TAFA4: variants seen among roughly 807,000 people sequenced by gnomAD.
TAFA4 encodes TAFA chemokine like family member 4, also known as chemokine-like protein TAFA-4.
TAFA4 carries 20 observed loss-of-function variants against 21.1 expected under a neutral mutation model. The ratio of observed to expected loss-of-function variants is 0.95; its 90% CI spans 0.67 to 1.38. TAFA4 has a LOEUF of 1.38. Ranked by LOEUF, TAFA4 falls within the 40% of genes most tolerant of loss-of-function variation. The pLI, the probability that TAFA4 is intolerant of heterozygous loss-of-function variation, is 0.00. For missense variants in TAFA4, 211 were observed against 180.9 expected (o/e 1.17, Z -0.95); for synonymous variants, 71 against 67.4 (o/e 1.05, Z -0.26).
chr3:68,857,737 G>A (rs956563993), intron 3 of TAFA4, among the ~76,000 whole-genome samples: 2 of 150,998 alleles, frequency 1.3e-5, no homozygotes, highest in African/African-American at 2.4e-5. Flanking sequence ...AGACTGTTCC[G>A]ACCAATGAAT....
intron 3 of TAFA4, among the ~76,000 whole-genome samples, chr3:68,814,181 C>T: frequency 6.6e-6 from 1 of 151,982 alleles, no homozygotes; most frequent in East Asian, 1.9e-4. Context: ...ATAATAACAG[C>T]TATCTATGAC....
At chr3:68,815,428 A>C (rs1703951713) in intron 3 of TAFA4, among the ~76,000 whole-genome samples, 1 of 152,230 alleles carries the variant, frequency 6.6e-6, no homozygotes, top group African/African-American at 2.4e-5. Flanking sequence ...ACAAAGGGCT[A>C]ATATCCAGAA....
intron 3 of TAFA4, among the ~76,000 whole-genome samples, chr3:68,857,810 CA>C (rs200281179): frequency 6.9e-5 from 8 of 116,458 alleles, no homozygotes; most frequent in Admixed American, 1.7e-4. Context: ...TCATTCAAAA[CA>C]AAAAAAAAAC....
At chr3:68,905,799 GTACCA>G (rs2089894647) in intron 1 of TAFA4, among the ~76,000 whole-genome samples, 1 of 152,212 alleles carries the variant, frequency 6.6e-6, no homozygotes, top group Non-Finnish European at 1.5e-5. Flanking sequence ...GGGGGTAAAC[GTACCA>G]TGGAAATTTA....
Position 68,732,225 on chromosome 3 carries a change from C to G in TAFA4, c.*917G>C, listed in dbSNP as rs1702161172. On this transcript the variant is annotated 3_prime_UTR_variant, in exon 6 of 6. Coordinates refer to ENST00000295569, the MANE Select transcript of TAFA4 (RefSeq NM_182522.5). ...AGGGAAACAGCTAAGTTAAGAAGAACTCATTTACAGTCTAAAAATTCAGCA... is the reference window on the plus strand; with the variant it reads ...AGGGAAACAGCTAAGTTAAGAAGAAGTCATTTACAGTCTAAAAATTCAGCA... The G allele has an allele frequency of 6.6e-6, 1 of 152,516 alleles. No homozygotes were observed. Among genetic ancestry groups the G allele is most frequent in the African/African-American group, 2.4e-5 (1 of 41,424 alleles). 9.4% of individuals were successfully genotyped at this position (152,516 alleles called of 1,614,324 possible). A position where few individuals can be genotyped will look rare whatever the true frequency, so the allele number is the denominator to read the frequency against.
chr3:68,863,012 T>A (rs1022673350), intron 3 of TAFA4, among the ~76,000 whole-genome samples: 2 of 148,726 alleles, frequency 1.3e-5, no homozygotes, highest in Non-Finnish European at 3.0e-5. Flanking sequence ...GGCTGACCAA[T>A]CGCTTGAGAG....
At chr3:68,783,661 GAC>G (rs10533885) in intron 3 of TAFA4, among the ~76,000 whole-genome samples, 3,523 of 106,956 alleles carry the variant, frequency 0.033, 63 homozygotes, top group South Asian at 0.057. Context: ...AAAAATCACA[GAC>G]ACACACACAC....
intron 1 of TAFA4, among the ~76,000 whole-genome samples, chr3:68,906,642 CAG>C (rs2089903781): frequency 6.6e-6 from 1 of 152,094 alleles, no homozygotes; most frequent in South Asian, 2.1e-4. Flanking sequence ...CAGTGTCAAC[CAG>C]AGAGTGGACT....
At chr3:68,789,002 G>T (rs914543385) in intron 3 of TAFA4, among the ~76,000 whole-genome samples, 1 of 152,058 alleles carries the variant, frequency 6.6e-6, no homozygotes, top group Admixed American at 6.5e-5. Flanking sequence ...GGGAGGCTGA[G>T]GTGGGTGGAT....
chr3:68,806,393 T>C (rs1248984866), intron 3 of TAFA4, among the ~76,000 whole-genome samples: 4 of 152,206 alleles, frequency 2.6e-5, no homozygotes, highest in African/African-American at 7.2e-5. Flanking sequence ...TCTGAGGAAG[T>C]ACAAGTAAGC....
chr3:68,847,670 A>G (rs1031129560), intron 3 of TAFA4, among the ~76,000 whole-genome samples: 13 of 152,202 alleles, frequency 8.5e-5, no homozygotes, highest in African/African-American at 3.1e-4. Flanking sequence ...GCAGGTTGAG[A>G]AGACCATGGG....
At chr3:68,790,450 T>C (rs1278573278) in intron 3 of TAFA4, among the ~76,000 whole-genome samples, 3 of 152,156 alleles carry the variant, frequency 2.0e-5, no homozygotes, top group African/African-American at 4.8e-5. Context: ...TTACATTAAA[T>C]GTAAATGATC....
At chr3:68,748,743 CAAAAAA>C (rs780362480) in intron 4 of TAFA4, among the ~76,000 whole-genome samples, 1 of 60,028 alleles carries the variant, frequency 1.7e-5, no homozygotes, top group African/African-American at 5.6e-5. Context: ...GACTCCGTCT[CAAAAAA>C]AAAAAAAAAA....
intron 3 of TAFA4, among the ~76,000 whole-genome samples, chr3:68,861,030 A>C (rs866485410): frequency 0.01 from 1,136 of 110,890 alleles, no homozygotes; most frequent in Middle Eastern, 0.019. Context: ...TTAAATATGC[A>C]CCCCCCCCCC....
chr3:68,740,376 C>T (rs889471604), intron 4 of TAFA4, among the ~76,000 whole-genome samples: 1 of 152,174 alleles, frequency 6.6e-6, no homozygotes. Flanking sequence ...TCTCTCCATG[C>T]CATTCTAGTG....
intron 3 of TAFA4, among the ~76,000 whole-genome samples, chr3:68,816,373 G>C (rs774456108): frequency 6.6e-6 from 1 of 151,984 alleles, no homozygotes; most frequent in Non-Finnish European, 1.5e-5. Context: ...CCATTTATTT[G>C]CCACTTCTTC....
intron 3 of TAFA4, among the ~76,000 whole-genome samples, chr3:68,853,149 A>G (rs1406970083): frequency 6.6e-6 from 1 of 152,184 alleles, no homozygotes; most frequent in Non-Finnish European, 1.5e-5. Flanking sequence ...TTATGATGTC[A>G]GATAGATATA....
At chr3:68,850,153 A>G (rs931863614) in intron 3 of TAFA4, among the ~76,000 whole-genome samples, 1 of 152,176 alleles carries the variant, frequency 6.6e-6, no homozygotes, top group African/African-American at 2.4e-5. Flanking sequence ...ACCTTCAAAT[A>G]AATGCAACTC....
At chr3:68,819,129 T>A (rs1266785728) in intron 3 of TAFA4, among the ~76,000 whole-genome samples, 1 of 152,090 alleles carries the variant, frequency 6.6e-6, no homozygotes, top group Non-Finnish European at 1.5e-5. Context: ...AAAAATCAGC[T>A]GGCATGGTGA....
Sources: allele counts gnomAD v4.1 joint callset (sites outside exome capture counted in the v4.1 genomes callset), GRCh38; gene constraint gnomAD v4.1.1; transcripts MANE v1.5; gene names NCBI Gene and HGNC (gene_info 2026-07-23, HGNC 2026-07-21).